PPL: variants seen among roughly 807,000 people sequenced by gnomAD.
PPL encodes periplakin.
A neutral mutation model predicts 194.4 loss-of-function variants in PPL; 198 were observed. The ratio of observed to expected loss-of-function variants is 1.02; its 90% confidence interval spans 0.91 to 1.15. The LOEUF (loss-of-function observed/expected upper bound fraction) is 1.15. Among genes scored for constraint, PPL ranks in the 50% most tolerant of loss-of-function variants. The pLI is 0.00. For synonymous variants in PPL, 1,220 were observed against 972.4 expected, an observed-to-expected ratio of 1.25 and a Z score of -4.74; for missense variants, 2,885 against 2,294.8, an observed-to-expected ratio of 1.26 and a Z score of -5.25.
intron 21 of PPL, 103 bp downstream of exon 21, chr16:4,887,032 G>T: frequency 1.0e-6 from 1 of 986,952 alleles, no homozygotes; most frequent in Non-Finnish European, 1.6e-6. Context: ...ACGTTAGCAA[G>T]GGGACACTTC....
chr16:4,903,289 G>A (rs1014439074), intron 3 of PPL, among the ~76,000 whole-genome samples: 1 of 152,134 alleles, frequency 6.6e-6, no homozygotes, highest in Non-Finnish European at 1.5e-5. Flanking sequence ...GCCAGGGACA[G>A]GGCACCAGGC....
rs182291268 is a variant in PPL at position 4,888,167 on chromosome 16, C to T, written c.2449G>A (p.Gly817Arg). ...KLRSLLDLENGRRSHVSKRAR... is the reference protein window; with the variant it reads ...KLRSLLDLENRRRSHVSKRAR... ...CTCTTGCTCACGTGGCTTCTCCTTC[C>T]ATTCTCCAAGTCGAGAAGAGACCTT... The change falls in exon 20 of 22, where the codon GGA (glycine) becomes AGA (arginine). Residue 817 changes from glycine to arginine, a missense_variant. By Grantham distance (125) the Gly-to-Arg change is moderately radical. Coordinates refer to ENST00000345988, the MANE Select transcript of PPL (RefSeq NM_002705.5). The T allele has an allele frequency of 1.2e-6, 2 of 1,613,936 alleles. No individual in the cohort carries two copies. The highest frequency in any genetic ancestry group is 3.3e-5 in the Admixed American group (2 of 60,020).
chr16:4,916,485 TACAG>T (rs2088918956), intron 1 of PPL, among the ~76,000 whole-genome samples: 1 of 151,572 alleles, frequency 6.6e-6, no homozygotes, highest in South Asian at 2.1e-4. Context: ...GTGCTGGGAT[TACAG>T]GTGTGAGCCA....
intron 9 of PPL, among the ~76,000 whole-genome samples, chr16:4,896,181 A>G (rs1177132282): frequency 6.6e-6 from 1 of 152,190 alleles, no homozygotes; most frequent in Non-Finnish European, 1.5e-5. Context: ...CCTGGGCTGC[A>G]GCCATAAACA....
At chr16:4,909,340 G>T (rs1012226489) in intron 2 of PPL, among the ~76,000 whole-genome samples, 16 of 151,920 alleles carry the variant, frequency 1.1e-4, no homozygotes, top group African/African-American at 3.6e-4. Flanking sequence ...CTATGGCTGG[G>T]CCTGGGGACA....
At position 4,883,528 on chromosome 16, in the gene PPL, C is replaced by T. The variant is rs1382254465; in HGVS notation, c.5127G>A (p.Val1709=). Residue 1709 remains valine, a synonymous_variant, in exon 22 of 22, where the codon GTG becomes GTA. Transcript: ENST00000345988. The surrounding 1 kb of genome is among the most constrained non-coding windows in gnomAD (Gnocchi z 4.8). The stretch of plus-strand genomic sequence containing the variant: ...TCTTGCCAGACTTCCTGTCGTGTAT[C>T]ACTGAGGACTCCCCATTGGGACCCT... The part of the protein sequence containing the change: ...SVKGPNGESS[V]IHDRKSGKKF... 1 of 1,614,090 alleles carries T rather than the reference C, an allele frequency of 6.2e-7. No individual in the cohort carries two copies. Among genetic ancestry groups the T allele is most frequent in the Non-Finnish European group, 8.5e-7 (1 of 1,180,038 alleles).
chr16:4,899,636 G>T (rs1362565139), intron 6 of PPL, among the ~76,000 whole-genome samples: 1 of 152,102 alleles, frequency 6.6e-6, no homozygotes, highest in Non-Finnish European at 1.5e-5. Context: ...CTACATGCTG[G>T]ACATGGCTCC....
At chr16:4,895,439 G>C (rs199697479) in intron 10 of PPL, 32 bp from the exon 11 acceptor site, 1 of 1,608,626 alleles carries the variant, frequency 6.2e-7, no homozygotes, top group Admixed American at 1.7e-5. Context: ...GCCCAGGTGA[G>C]ACCAACAGCC....
In PPL at chr16:4,882,729, T is replaced by C. The variant is rs1250378292; in HGVS notation, c.*655A>G. 1 of 152,546 alleles carries C rather than the reference T, an allele frequency of 6.6e-6. No individual in the cohort carries two copies. The highest frequency in any genetic ancestry group is 2.4e-5 in the African/African-American group (1 of 41,468). 9.4% of individuals were successfully genotyped at this position (152,546 alleles called of 1,614,324 possible). On this transcript the variant is annotated 3_prime_UTR_variant, in exon 22 of 22. Transcript: ENST00000345988. ...AGCAGCACAATCCACTATCAAAGGATTTAAATGCCAGAACTGTGAAACATT... is the reference window on the plus strand; with the variant it reads ...AGCAGCACAATCCACTATCAAAGGACTTAAATGCCAGAACTGTGAAACATT...
chr16:4,887,266 G>T (rs753586084), intron 20 of PPL, 39 bp from the exon 21 acceptor site: 1 of 1,455,836 alleles, frequency 6.9e-7, no homozygotes, highest in Non-Finnish European at 9.6e-7. Context: ...CAACAAACAG[G>T]TGTCAACAGG....
intron 1 of PPL, among the ~76,000 whole-genome samples, chr16:4,925,415 C>G (rs1596587225): frequency 1.3e-5 from 2 of 152,270 alleles, no homozygotes; most frequent in Admixed American, 1.3e-4. Context: ...TACTGGGTGC[C>G]CAGCGACCGC....
At chr16:4,933,702 A>G (rs1249359814) in intron 1 of PPL, among the ~76,000 whole-genome samples, 4 of 152,100 alleles carry the variant, frequency 2.6e-5, no homozygotes, top group Non-Finnish European at 5.9e-5. Context: ...ACATGTACTG[A>G]AGCTTAACTC....
chr16:4,892,019 CCTGT>C lies in PPL; in HGVS notation c.1829+12_1829+15del. On this transcript the variant is annotated intron_variant, in intron 15 of 21. Transcript: ENST00000345988. Reference sequence around the variant, plus strand: ...TGACCCCACCCCAACCTCCATGCTGCCTGTCTGCCACCCACTTCTCCTGGGCCAA... The same window carrying C: ...TGACCCCACCCCAACCTCCATGCTGCCTGCCACCCACTTCTCCTGGGCCAA... The C allele has an allele frequency of 2.5e-6, 4 of 1,611,922 alleles. No homozygotes were observed. Among genetic ancestry groups the C allele is most frequent in the Non-Finnish European group, 3.4e-6 (4 of 1,178,756 alleles).
rs2088624617 is a variant in PPL, at chr16:4,903,774, T to C, written c.317+112A>G. On this transcript the variant is annotated intron_variant, in intron 3 of 21. Transcript: ENST00000345988. ...AAGCCTTTGGCACGTGCCTGGCACC[T>C]AATTAGCCCTTGATAACCCCTGACT... is the stretch of plus-strand genomic sequence containing the variant. 36 of 1,255,516 alleles carry C rather than the reference T, an allele frequency of 2.9e-5. No homozygotes were observed. The South Asian group carries it at 4.1e-4, about 14-fold the overall frequency. The allele number at this position is 1,255,516 out of a possible 1,614,324, so 77.8% of individuals were successfully genotyped here.
At chr16:4,936,512 A>G (rs1192691159) in intron 1 of PPL, among the ~76,000 whole-genome samples, 1 of 152,146 alleles carries the variant, frequency 6.6e-6, no homozygotes, top group African/African-American at 2.4e-5. Flanking sequence ...CCCCGACGCC[A>G]GCTCAGTTTC....
At chr16:4,899,711 C>G (rs1444797204) in intron 6 of PPL, among the ~76,000 whole-genome samples, 1 of 152,198 alleles carries the variant, frequency 6.6e-6, no homozygotes, top group Admixed American at 6.6e-5. Flanking sequence ...TTTGTGAAGG[C>G]TTAGTTCGCC....
In PPL at chr16:4,885,367, G is replaced by C. The variant is rs769374224; in HGVS notation, c.3288C>G (p.Asp1096Glu). The C allele has an allele frequency of 1.9e-6, 3 of 1,612,700 alleles. No homozygotes were observed. The East Asian group carries it at 6.7e-5, about 36-fold the overall frequency. ...KQEEELSFLQ[D>E]KLKRLEKERA... ...GCTCCTTCTCTAGCCTCTTGAGCTTGTCCTGGAGGAAGCTCAGCTCCTCCT... is the reference window on the plus strand; with the variant it reads ...GCTCCTTCTCTAGCCTCTTGAGCTTCTCCTGGAGGAAGCTCAGCTCCTCCT... Residue 1096 changes from aspartate (D) to glutamate (E), a missense_variant, in exon 22 of 22, where the codon GAC becomes GAG. Asp to Glu is a conservative substitution (Grantham distance 45). Coordinates refer to ENST00000345988, the MANE Select transcript of PPL (RefSeq NM_002705.5). The surrounding 1 kb of genome is among the most constrained non-coding windows in gnomAD (Gnocchi z 6.3).
rs1389753159 is a variant in PPL at position 4,888,948 on chromosome 16, T to C, written c.2397+30A>G. On this transcript the variant is annotated intron_variant, in intron 19 of 21. Coordinates refer to ENST00000345988, the MANE Select transcript of PPL (RefSeq NM_002705.5). ...ACGGTGGAATAAGACCCCTGCTGTT[T>C]GTGCTTTGGGCGGAAGTTTCCCGGC... 1.9e-6 allele frequency: 3 copies of C among 1,604,928 alleles called. No homozygotes were observed. The Admixed American group carries it at 5.0e-5, about 27-fold the overall frequency.
intron 1 of PPL, among the ~76,000 whole-genome samples, chr16:4,928,529 T>C (rs961620080): frequency 5.3e-5 from 8 of 152,158 alleles, no homozygotes; most frequent in Admixed American, 2.6e-4. Context: ...GTGGGAGAAA[T>C]AGAACTTGCA....
Sources: gnomAD v4.1 joint callset for allele counts (sites outside exome capture counted in the v4.1 genomes callset) on GRCh38, gnomAD v4.1.1 for gene constraint, Gnocchi (gnomAD v3.1) non-coding constraint, MANE v1.5 for transcripts, NCBI Gene and HGNC (gene_info 2026-07-23, HGNC 2026-07-21) for gene names.